Variants in XKR4 observed in about 807,000 individuals in gnomAD.
XKR4 encodes the protein XK related 4, also known as XK-related protein 4.
XKR4 carries 12 observed loss-of-function variants against 53.9 expected under a neutral mutation model. The observed-to-expected ratio is 0.22, with a 90% CI of 0.14 to 0.36. The LOEUF (loss-of-function observed/expected upper bound fraction) is 0.36, where lower values mean the gene tolerates loss of function less well. Ranked by LOEUF, XKR4 falls within the 10% of genes least tolerant of loss-of-function variation. XKR4 has a pLI of 1.00. For missense variants in XKR4, 799 were observed against 859.5 expected (o/e 0.93, Z 0.88); for synonymous variants, 354 against 362.4 (o/e 0.98, Z 0.26).
At chr8:55,451,128 G>T in intron 2 of XKR4, 1 of 520,132 alleles carries the variant, frequency 1.9e-6, no homozygotes, top group Non-Finnish European at 3.4e-6. Context: ...GTAGAGGGCT[G>T]CTTGCTGTGG....
chr8:55,226,263 G>A (rs1391071823), intron 1 of XKR4, among the ~76,000 whole-genome samples: 1 of 152,202 alleles, frequency 6.6e-6, no homozygotes, highest in Non-Finnish European at 1.5e-5. Flanking sequence ...CAAAATAAAA[G>A]CAAGAGTATA....
At chr8:55,293,186 T>C (rs1819054232) in intron 1 of XKR4, among the ~76,000 whole-genome samples, 1 of 152,048 alleles carries the variant, frequency 6.6e-6, no homozygotes. Context: ...AATACAAAAA[T>C]TAGCTGGGAG....
chr8:55,229,489 G>A (rs1818001711), intron 1 of XKR4, among the ~76,000 whole-genome samples: 1 of 152,242 alleles, frequency 6.6e-6, no homozygotes, highest in Non-Finnish European at 1.5e-5. Context: ...TGGAACACAG[G>A]AAGTGCTCCA....
chr8:55,121,023 C>T, intron 1 of XKR4, among the ~76,000 whole-genome samples: 1 of 152,174 alleles, frequency 6.6e-6, no homozygotes, highest in East Asian at 1.9e-4. Flanking sequence ...TAGGATTCCT[C>T]CATATCTTTT....
chr8:55,452,448 C>G (rs564117810), intron 2 of XKR4: 1 of 627,992 alleles, frequency 1.6e-6, no homozygotes, highest in East Asian at 2.9e-5. Context: ...ACTGCCCGCC[C>G]TCGCACCCTC....
chr8:55,391,489 T>C (rs1299207618), intron 2 of XKR4, among the ~76,000 whole-genome samples: 5 of 152,216 alleles, frequency 3.3e-5, no homozygotes, highest in Non-Finnish European at 7.3e-5. Context: ...TAGGATATAT[T>C]GTTAAAAACT....
At chr8:55,420,843 G>A (rs1250108496) in intron 2 of XKR4, among the ~76,000 whole-genome samples, 1 of 148,810 alleles carries the variant, frequency 6.7e-6, no homozygotes, top group Non-Finnish European at 1.5e-5. Context: ...AGATCCTTTG[G>A]CTGTTGTTGC....
intron 1 of XKR4, among the ~76,000 whole-genome samples, chr8:55,232,394 C>T (rs1371143588): frequency 1.3e-5 from 2 of 152,190 alleles, no homozygotes; most frequent in East Asian, 3.9e-4. Context: ...AATTGTGATT[C>T]TCTCAGTGTC....
In XKR4 at chr8:55,486,248, A is replaced by G. The variant is rs140226991; in HGVS notation, c.1007-37033A>G. 5.5e-3 allele frequency among the ~76,000 whole-genome samples: 833 copies of G among 152,328 alleles called. 3 individuals are homozygous for G. The highest frequency in any genetic ancestry group is 8.5e-3 in the Admixed American group (130 of 15,306). Reference sequence around the variant, plus strand: ...TCTGAAATATTAATATCATGACAGAAAACCTAAGTCTTTTGACCAGATCTA... The same window carrying G: ...TCTGAAATATTAATATCATGACAGAGAACCTAAGTCTTTTGACCAGATCTA... On this transcript the variant is annotated intron_variant, in intron 2 of 2. Coordinates refer to ENST00000327381, the MANE Select transcript of XKR4 (RefSeq NM_052898.2).
intron 1 of XKR4, among the ~76,000 whole-genome samples, chr8:55,324,783 T>C (rs1483692673): frequency 6.6e-6 from 1 of 152,202 alleles, no homozygotes; most frequent in African/African-American, 2.4e-5. Flanking sequence ...ATCACATAGA[T>C]ATTAAGAGTC....
intron 2 of XKR4, among the ~76,000 whole-genome samples, chr8:55,448,437 C>T (rs372980891): frequency 2.0e-5 from 3 of 152,142 alleles, no homozygotes; most frequent in Non-Finnish European, 4.4e-5. Context: ...CAAAATGAAT[C>T]CAGGCAAACC....
intron 1 of XKR4, among the ~76,000 whole-genome samples, chr8:55,142,568 A>T (rs1816721127): frequency 6.6e-6 from 1 of 152,262 alleles, no homozygotes; most frequent in Non-Finnish European, 1.5e-5. Context: ...CAAGTGTACC[A>T]TAGCTTAGAT....
At chr8:55,451,629 G>C (rs1805448051) in intron 2 of XKR4, 2 of 1,542,886 alleles carry the variant, frequency 1.3e-6, no homozygotes, top group Non-Finnish European at 1.8e-6. Context: ...GGTAGCAGTA[G>C]GACACGCGCT....
chr8:55,326,254 C>A (rs1423178153), intron 1 of XKR4, among the ~76,000 whole-genome samples: 1 of 152,110 alleles, frequency 6.6e-6, no homozygotes, highest in Non-Finnish European at 1.5e-5. Context: ...GTAATAATCA[C>A]CATTTGTTTA....
At chr8:55,429,649 T>G (rs1400084743) in intron 2 of XKR4, among the ~76,000 whole-genome samples, 1 of 151,898 alleles carries the variant, frequency 6.6e-6, no homozygotes, top group Non-Finnish European at 1.5e-5. Context: ...AAGGATCACT[T>G]GAACCCAAGA....
chr8:55,495,254 G>T (rs551065767), intron 2 of XKR4, among the ~76,000 whole-genome samples: 1 of 152,192 alleles, frequency 6.6e-6, no homozygotes, highest in Non-Finnish European at 1.5e-5. Context: ...GTGAGAGCAG[G>T]TGCTTCTGAG....
At chr8:55,351,421 AT>A (rs1563330504) in intron 1 of XKR4, among the ~76,000 whole-genome samples, 1 of 152,174 alleles carries the variant, frequency 6.6e-6, no homozygotes, top group Non-Finnish European at 1.5e-5. Context: ...CAAACGTCTC[AT>A]TGTACCAGAA....
chr8:55,251,739 T>C (rs750550597), intron 1 of XKR4, among the ~76,000 whole-genome samples: 16 of 152,206 alleles, frequency 1.1e-4, no homozygotes, highest in Admixed American at 3.3e-4. Flanking sequence ...TTGTCGCTTA[T>C]GCCTCTTTTG....
chr8:55,355,223 A>C (rs1437708983), intron 1 of XKR4, among the ~76,000 whole-genome samples: 1 of 152,106 alleles, frequency 6.6e-6, no homozygotes, highest in African/African-American at 2.4e-5. Context: ...ATATTTAAAA[A>C]AAAAAGCAGG....
Sources: allele counts gnomAD v4.1 joint callset (sites outside exome capture counted in the v4.1 genomes callset), GRCh38; gene constraint gnomAD v4.1.1; transcripts MANE v1.5; gene names NCBI Gene and HGNC (gene_info 2026-07-23, HGNC 2026-07-21).